CAST: variants seen among roughly 807,000 people sequenced by gnomAD.
CAST encodes the protein MIR583 host.
CAST carries 76 observed loss-of-function variants against 119.6 expected under a neutral mutation model. The ratio of observed to expected loss-of-function variants is 0.64; its 90% CI spans 0.53 to 0.77. CAST has a LOEUF of 0.77. CAST is among the 30% of genes least tolerant of loss of function. CAST has a pLI of 0.00. For missense variants in CAST, 953 were observed against 946.5 expected, an observed-to-expected ratio of 1.01 and a Z score of -0.09; for synonymous variants, 319 against 331.6, an observed-to-expected ratio of 0.96 and a Z score of 0.41.
chr5:96,672,107 A>G (rs1750146888), intron 1 of CAST, among the ~76,000 whole-genome samples: 1 of 152,172 alleles, frequency 6.6e-6, no homozygotes, highest in South Asian at 2.1e-4. Context: ...ATTTGGGAAA[A>G]TGTTCTCAAA....
chr5:96,380,297 C>T, the CAST span, among the ~76,000 whole-genome samples: 1 of 152,084 alleles, frequency 6.6e-6, no homozygotes, highest in Non-Finnish European at 1.5e-5. Flanking sequence ...ATTCCAGATG[C>T]AATTAAAAAT....
chr5:96,392,647 T>C, the CAST span: 1 of 227,746 alleles, frequency 4.4e-6, no homozygotes, highest in Non-Finnish European at 8.6e-6. Flanking sequence ...TGTTTTCAAA[T>C]TAATTGATAT....
At chr5:96,203,290 A>G in the CAST span, among the ~76,000 whole-genome samples, 3,158 of 151,856 alleles carry the variant, frequency 0.021, 122 homozygotes, top group African/African-American at 0.073. Flanking sequence ...TTTCATTATT[A>G]TGGTGTAGAG....
At chr5:96,427,142 A>G in the CAST span, among the ~76,000 whole-genome samples, 1 of 152,200 alleles carries the variant, frequency 6.6e-6, no homozygotes, top group Non-Finnish European at 1.5e-5. Flanking sequence ...CTGTTGCTGC[A>G]TTTCACAGGG....
At chr5:96,524,378 A>G (rs886387936), upstream of CAST, among the ~76,000 whole-genome samples, 1 of 152,266 alleles carries the variant, frequency 6.6e-6, no homozygotes, top group African/African-American at 2.4e-5. Flanking sequence ...AGGAAACTTC[A>G]AAGTCTGAAT....
the CAST span, among the ~76,000 whole-genome samples, chr5:96,303,797 G>T: frequency 6.6e-6 from 1 of 152,094 alleles, no homozygotes; most frequent in African/African-American, 2.4e-5. Flanking sequence ...TTTTATGGCT[G>T]CATAGTATGC....
At chr5:96,460,624 G>A in the CAST span, among the ~76,000 whole-genome samples, 2 of 151,510 alleles carry the variant, frequency 1.3e-5, no homozygotes, top group East Asian at 1.9e-4. Flanking sequence ...AGTGACATTC[G>A]ATAGCTCTGT....
the CAST span, among the ~76,000 whole-genome samples, chr5:96,468,856 A>G: frequency 6.6e-6 from 1 of 152,044 alleles, no homozygotes; most frequent in African/African-American, 2.4e-5. Flanking sequence ...GTATCTTTCC[A>G]CTGGCCTTCC....
chr5:96,364,380 T>G, the CAST span, among the ~76,000 whole-genome samples: 1 of 152,208 alleles, frequency 6.6e-6, no homozygotes, highest in Admixed American at 6.5e-5. Flanking sequence ...TCTTTTTGTA[T>G]TGATTGGAAT....
the CAST span, chr5:96,415,903 T>A: frequency 1.4e-6 from 1 of 699,016 alleles, no homozygotes. Flanking sequence ...TCAAGTCCTG[T>A]AGCAACTTTG....
At chr5:96,185,118 ATAT>A in the CAST span, among the ~76,000 whole-genome samples, 2 of 152,166 alleles carry the variant, frequency 1.3e-5, no homozygotes, top group African/African-American at 2.4e-5. Flanking sequence ...AGCTTTTTCC[ATAT>A]TATTATTGGC....
At chr5:96,354,999 C>G in the CAST span, among the ~76,000 whole-genome samples, 1 of 151,892 alleles carries the variant, frequency 6.6e-6, no homozygotes, top group Non-Finnish European at 1.5e-5. Context: ...GGATGCTTCT[C>G]TTTTCATTCT....
chr5:96,574,518 C>T (rs261246), intron 1 of CAST, among the ~76,000 whole-genome samples: 45,473 of 152,002 alleles, frequency 0.3, 7,719 homozygotes, highest in Middle Eastern at 0.43. Flanking sequence ...TGGGCTTTCA[C>T]ATAGCAATCG....
At chr5:96,531,550 G>A (rs1360411481) in intron 1 of CAST, among the ~76,000 whole-genome samples, 1 of 152,178 alleles carries the variant, frequency 6.6e-6, no homozygotes, top group Non-Finnish European at 1.5e-5. Context: ...AGTTGGCAAG[G>A]CCTACCCATG....
At chr5:96,694,654 CAAAA>C (rs1258608330) in intron 2 of CAST, among the ~76,000 whole-genome samples, 2 of 151,970 alleles carry the variant, frequency 1.3e-5, no homozygotes, top group Non-Finnish European at 2.9e-5. Context: ...AACAAACAAA[CAAAA>C]AAACTTTATG....
At chr5:96,602,045 G>C (rs1244632411) in intron 1 of CAST, among the ~76,000 whole-genome samples, 1 of 152,178 alleles carries the variant, frequency 6.6e-6, no homozygotes, top group Non-Finnish European at 1.5e-5. Flanking sequence ...CTCTGTGAGA[G>C]GTGACTAGAC....
the CAST span, among the ~76,000 whole-genome samples, chr5:96,364,821 C>G: frequency 1.3e-5 from 2 of 152,172 alleles, no homozygotes; most frequent in Non-Finnish European, 2.9e-5. Flanking sequence ...GTCTCTGTCT[C>G]CATCAGTTCT....
At chr5:96,473,910 C>T in the CAST span, among the ~76,000 whole-genome samples, 1 of 152,196 alleles carries the variant, frequency 6.6e-6, no homozygotes. Context: ...GAGGAAGAGT[C>T]AGTGTCCTCC....
the CAST span, among the ~76,000 whole-genome samples, chr5:96,009,142 CTCA>C: frequency 6.6e-6 from 1 of 152,152 alleles, no homozygotes; most frequent in Non-Finnish European, 1.5e-5. Flanking sequence ...AGTACATGAT[CTCA>C]TTCTTTTTAT....
Sources: allele counts gnomAD v4.1 joint callset (sites outside exome capture counted in the v4.1 genomes callset), GRCh38; gene constraint gnomAD v4.1.1; transcripts MANE v1.5; gene names NCBI Gene and HGNC (gene_info 2026-07-23, HGNC 2026-07-21).